Variants in EHBP1 observed in about 807,000 individuals in gnomAD.
EHBP1 encodes the protein EH domain binding protein 1.
In EHBP1, 55 loss-of-function variants were observed where a neutral mutation model predicts 144.0. The ratio of observed to expected loss-of-function variants is 0.38; its 90% CI spans 0.31 to 0.48. The LOEUF (loss-of-function observed/expected upper bound fraction) is 0.48, where lower values mean the gene tolerates loss of function less well. Among genes scored for constraint, EHBP1 ranks in the 20% least tolerant of loss-of-function variants. EHBP1 has a pLI of 0.98. For missense variants in EHBP1, 1,200 were observed against 1,364.2 expected, an observed-to-expected ratio of 0.88 and a Z score of 1.90; for synonymous variants, 469 against 472.7, an observed-to-expected ratio of 0.99 and a Z score of 0.10.
chr2:63,004,272 A>T (rs1397572052), intron 19 of EHBP1, among the ~76,000 whole-genome samples: 2 of 152,108 alleles, frequency 1.3e-5, no homozygotes, highest in Non-Finnish European at 2.9e-5. Flanking sequence ...CCAATCACAA[A>T]GCAAAATGGC....
intron 5 of EHBP1, among the ~76,000 whole-genome samples, chr2:62,783,733 T>A (rs111383342): frequency 2.0e-5 from 3 of 152,128 alleles, no homozygotes; most frequent in African/African-American, 7.2e-5. Flanking sequence ...ATTTTTCCCT[T>A]CCAGGCCTCC....
At chr2:62,944,172 T>A (rs930721645) in intron 12 of EHBP1, among the ~76,000 whole-genome samples, 1 of 152,230 alleles carries the variant, frequency 6.6e-6, no homozygotes, top group African/African-American at 2.4e-5. Context: ...ATAGTTGTTA[T>A]GTAAGTTTAG....
chr2:62,838,613 AAGAG>A (rs1460324526), intron 7 of EHBP1, among the ~76,000 whole-genome samples: 1 of 151,386 alleles, frequency 6.6e-6, no homozygotes, highest in Non-Finnish European at 1.5e-5. Context: ...TAAAGAAAAA[AAGAG>A]AGAAGAATCA....
At chr2:62,840,941 A>C (rs976362556) in intron 7 of EHBP1, among the ~76,000 whole-genome samples, 1 of 152,170 alleles carries the variant, frequency 6.6e-6, no homozygotes, top group Non-Finnish European at 1.5e-5. Flanking sequence ...GTGATTCCTC[A>C]GGGATCTAGA....
intron 2 of EHBP1, among the ~76,000 whole-genome samples, chr2:62,709,689 A>G (rs552880820): frequency 7.9e-5 from 12 of 152,138 alleles, no homozygotes; most frequent in Middle Eastern, 6.8e-3. Flanking sequence ...AGGTCTTATG[A>G]TAGGATCTGG....
intron 1 of EHBP1, among the ~76,000 whole-genome samples, chr2:62,690,377 G>A (rs188300821): frequency 4.6e-5 from 7 of 152,108 alleles, no homozygotes; most frequent in South Asian, 4.2e-4. Context: ...ACCTGGCCAA[G>A]ATGGTGAAAC....
intron 1 of EHBP1, among the ~76,000 whole-genome samples, chr2:62,693,355 C>T (rs1365692775): frequency 1.3e-5 from 2 of 151,990 alleles, no homozygotes; most frequent in African/African-American, 2.4e-5. Flanking sequence ...ATACTGATTT[C>T]CTGCCAATTT....
intron 2 of EHBP1, among the ~76,000 whole-genome samples, chr2:62,717,706 GT>G (rs1000258028): frequency 2.2e-4 from 33 of 148,908 alleles, no homozygotes; most frequent in Admixed American, 8.0e-4. Context: ...TTTTAATAAA[GT>G]TTTTTTTTTA....
chr2:62,790,203 T>C (rs112499840), intron 5 of EHBP1, among the ~76,000 whole-genome samples: 3,313 of 152,346 alleles, frequency 0.022, 87 homozygotes, highest in African/African-American at 0.066. Context: ...TTGATTTGTA[T>C]TGGCAGAAGA....
chr2:62,818,447 A>G (rs982661036), intron 5 of EHBP1, among the ~76,000 whole-genome samples: 1 of 152,148 alleles, frequency 6.6e-6, no homozygotes, highest in African/African-American at 2.4e-5. Context: ...TTGTAGCTTC[A>G]GAGCAATAGG....
At chr2:63,043,128 A>T (rs574117062) in intron 21 of EHBP1, among the ~76,000 whole-genome samples, 1 of 152,144 alleles carries the variant, frequency 6.6e-6, no homozygotes, top group Non-Finnish European at 1.5e-5. Flanking sequence ...AGACTAGATG[A>T]CCTTTAAGAT....
chr2:62,720,738 G>A (rs1425358697), intron 2 of EHBP1, among the ~76,000 whole-genome samples: 38 of 152,154 alleles, frequency 2.5e-4, no homozygotes, highest in Admixed American at 2.5e-3. Context: ...GAGCAGGGGT[G>A]TCCAATCTTT....
rs60960358 is a variant in EHBP1, at chr2:62,712,727, G to A, written c.104+5432G>A. Among the ~76,000 whole-genome samples, 1,390 of 152,208 alleles carry A rather than the reference G, an allele frequency of 9.1e-3. 21 individuals are homozygous for A. The highest frequency in any genetic ancestry group is 0.032 in the African/African-American group (1,314 of 41,524). The stretch of plus-strand genomic sequence containing the variant: ...TCAGTGAAAGCATGAAAAGGATAAT[G>A]ATTGAAAGATTTTAAAGAGGTTGAA... On this transcript the variant is annotated intron_variant, in intron 2 of 22. Transcript: ENST00000431489.
At chr2:63,016,038 T>C (rs1463749722) in intron 19 of EHBP1, among the ~76,000 whole-genome samples, 13 of 152,158 alleles carry the variant, frequency 8.5e-5, no homozygotes, top group Non-Finnish European at 1.5e-4. Context: ...TGAAGTAGTA[T>C]AGAGTTACCC....
At chr2:63,025,543 G>A (rs754604054) in intron 19 of EHBP1, among the ~76,000 whole-genome samples, 18 of 152,198 alleles carry the variant, frequency 1.2e-4, no homozygotes, top group Admixed American at 4.6e-4. Flanking sequence ...GATTATAGGC[G>A]TGAGGCTCTG....
chr2:63,039,424 AT>A (rs556070014), intron 21 of EHBP1, among the ~76,000 whole-genome samples: 29 of 151,870 alleles, frequency 1.9e-4, no homozygotes, highest in Non-Finnish European at 3.7e-4. Flanking sequence ...ACTATATATG[AT>A]TTTTTTTTAA....
At chr2:62,785,905 C>T (rs2042769463) in intron 5 of EHBP1, among the ~76,000 whole-genome samples, 1 of 152,030 alleles carries the variant, frequency 6.6e-6, no homozygotes, top group African/African-American at 2.4e-5. Flanking sequence ...TGAACCACAT[C>T]ATCCTTTCCT....
chr2:63,037,654 C>T lies in EHBP1; in HGVS notation c.3203+20C>T. 1 of 1,390,278 alleles carries T rather than the reference C, an allele frequency of 7.2e-7. No individual in the cohort carries two copies. The highest frequency in any genetic ancestry group is 1.0e-6 in the Non-Finnish European group (1 of 1,002,826). The allele number at this position is 1,390,278 out of a possible 1,614,324, so 86.1% of individuals were successfully genotyped here. A position where few individuals can be genotyped will look rare whatever the true frequency, so the allele number is the denominator to read the frequency against. On this transcript the variant is annotated intron_variant, in intron 20 of 22. Coordinates refer to ENST00000431489, the MANE Select transcript of EHBP1 (RefSeq NM_001142616.3). ...TCTTCTGTAAGTACTCATCATTATG[C>T]TTGTTTTGCCTACAACATTGATAAA...
intron 5 of EHBP1, among the ~76,000 whole-genome samples, chr2:62,825,689 T>C (rs1023305231): frequency 6.6e-6 from 1 of 151,662 alleles, no homozygotes; most frequent in Non-Finnish European, 1.5e-5. Context: ...AGGAGAAATA[T>C]CATTAGGTTA....
Sources: allele counts gnomAD v4.1 joint callset (sites outside exome capture counted in the v4.1 genomes callset), GRCh38; gene constraint gnomAD v4.1.1; transcripts MANE v1.5; gene names NCBI Gene and HGNC (gene_info 2026-07-23, HGNC 2026-07-21).